Variants in CD84 observed in about 807,000 individuals in gnomAD.
CD84 encodes SLAM family member 5.
CD84 carries 22 observed loss-of-function variants against 33.8 expected under a neutral mutation model. The observed-to-expected ratio is 0.65, with a 90% confidence interval of 0.46 to 0.93. The LOEUF (loss-of-function observed/expected upper bound fraction) is 0.93. Among genes scored for constraint, CD84 ranks in the 40% least tolerant of loss-of-function variants. CD84 has a pLI of 0.00. For missense variants in CD84, 400 were observed against 397.6 expected (o/e 1.01, Z -0.05); for synonymous variants, 154 against 145.2 (o/e 1.06, Z -0.44).
At chr1:160,551,131 AG>A in intron 4 of CD84, 96 bp from the exon 5 acceptor site, 5 of 918,562 alleles carry the variant, frequency 5.4e-6, no homozygotes, top group Non-Finnish European at 8.9e-6. Flanking sequence ...GAAGAAAGGA[AG>A]CCCCCAGGGA....
In CD84 at chr1:160,553,896, T is replaced by C; in HGVS notation, c.639A>G (p.Ala213=). The change falls in exon 3 of 7, where the codon GCA becomes GCG. Residue 213 remains alanine (A), a splice_region_variant and synonymous_variant. Transcript: ENST00000368054. ...SDSISARQLC[A]DIAMGFRTHH... ...GGAGAGATGGGCAGAGCTGGTTACCTGCACAGAGCTGCCGGGCAGAGATGG... is the reference window on the plus strand; with the variant it reads ...GGAGAGATGGGCAGAGCTGGTTACCCGCACAGAGCTGCCGGGCAGAGATGG... 6.2e-7 allele frequency: 1 copy of C among 1,614,200 alleles called. No homozygotes were observed. Among genetic ancestry groups the C allele is most frequent in the Non-Finnish European group, 8.5e-7 (1 of 1,180,038 alleles).
chr1:160,554,410 C>G (rs918685058), intron 2 of CD84, among the ~76,000 whole-genome samples: 3 of 152,122 alleles, frequency 2.0e-5, no homozygotes, highest in African/African-American at 7.2e-5. Context: ...AACAGAGTAT[C>G]TGTCTTTCTA....
intron 3 of CD84, 151 bp downstream of exon 3, chr1:160,553,744 C>G: frequency 7.8e-7 from 1 of 1,284,540 alleles, no homozygotes; most frequent in Non-Finnish European, 1.1e-6. Context: ...GGCCTCTTTC[C>G]CAGTAGGCTT....
chr1:160,545,503 C>T lies in CD84; in HGVS notation c.*2753G>A, dbSNP rs1004184754. 5 of 152,226 alleles carry T rather than the reference C, an allele frequency of 3.3e-5. No homozygotes were observed. Among genetic ancestry groups the T allele is most frequent in the African/African-American group, 9.7e-5 (4 of 41,448 alleles). The allele number at this position is 152,226 out of a possible 1,614,324, so 9.4% of individuals were successfully genotyped here. A position where few individuals can be genotyped will look rare whatever the true frequency, so the allele number is the denominator to read the frequency against. On this transcript the variant is annotated 3_prime_UTR_variant, in exon 7 of 7. Coordinates refer to ENST00000368054, the MANE Select transcript of CD84 (RefSeq NM_003874.4). ...CTCTTCTTGGGGTGCTGTCTTTCAC[C>T]TCCTTACAACTGGTTAGGTGCTTCA...
intron 2 of CD84, among the ~76,000 whole-genome samples, chr1:160,561,707 G>A (rs182781465): frequency 4.5e-4 from 68 of 152,186 alleles, no homozygotes; most frequent in African/African-American, 1.6e-3. Context: ...CGAATAGGGA[G>A]AGAGGAAGTC....
chr1:160,553,795 G>T (rs767191831), intron 3 of CD84, 100 bp downstream of exon 3: 9 of 1,567,958 alleles, frequency 5.7e-6, no homozygotes, highest in Middle Eastern at 1.7e-4. Context: ...CAAAGATAAA[G>T]GAAGCACATC....
At chr1:160,575,522 CA>C (rs1249413514) in intron 1 of CD84, among the ~76,000 whole-genome samples, 1 of 151,754 alleles carries the variant, frequency 6.6e-6, no homozygotes, top group African/African-American at 2.4e-5. Context: ...CACACACACA[CA>C]CAAAATCTCA....
At position 160,549,066 on chromosome 1, in the gene CD84, A is replaced by G. The variant is rs570577340; in HGVS notation, c.922-745T>C. Among the ~76,000 whole-genome samples, 60 of 152,054 alleles carry G rather than the reference A, an allele frequency of 3.9e-4. 1 individual carries two copies. The highest frequency in any genetic ancestry group is 1.4e-3 in the African/African-American group (59 of 41,472). On this transcript the variant is annotated intron_variant, in intron 6 of 6. Coordinates refer to ENST00000368054, the MANE Select transcript of CD84 (RefSeq NM_003874.4). Reference sequence around the variant, plus strand: ...CCCTCCTTCCCTCTCCTGATCACTAAGAAAGTAAATGTCCCTCTATCTGGT... The same window carrying G: ...CCCTCCTTCCCTCTCCTGATCACTAGGAAAGTAAATGTCCCTCTATCTGGT...
chr1:160,570,738 T>C (rs553298210), intron 1 of CD84, among the ~76,000 whole-genome samples: 1 of 152,232 alleles, frequency 6.6e-6, no homozygotes, highest in South Asian at 2.1e-4. Flanking sequence ...GGTGCACACC[T>C]GTAGTCCCAG....
chr1:160,575,627 C>T (rs1347948542), intron 1 of CD84, among the ~76,000 whole-genome samples: 1 of 152,042 alleles, frequency 6.6e-6, no homozygotes, highest in Non-Finnish European at 1.5e-5. Flanking sequence ...AACAAGAGTA[C>T]CTAGTCAGTT....
At chr1:160,563,056 G>A (rs117890538) in intron 2 of CD84, among the ~76,000 whole-genome samples, 211 of 152,234 alleles carry the variant, frequency 1.4e-3, no homozygotes, top group East Asian at 2.9e-3. Flanking sequence ...TCTCCTGCCC[G>A]TCAGAATGGC....
chr1:160,573,493 T>C (rs976367473), intron 1 of CD84, among the ~76,000 whole-genome samples: 2 of 152,196 alleles, frequency 1.3e-5, no homozygotes. Flanking sequence ...GCTCCCTCTG[T>C]TCTGTAAACA....
intron 1 of CD84, among the ~76,000 whole-genome samples, chr1:160,570,717 C>G (rs1473278071): frequency 2.0e-5 from 3 of 152,000 alleles, no homozygotes; most frequent in Non-Finnish European, 4.4e-5. Context: ...CAAAATATAC[C>G]TGGGCATGAT....
At chr1:160,553,822 C>A in intron 3 of CD84, 73 bp downstream of exon 3, 2 of 1,606,496 alleles carry the variant, frequency 1.2e-6, no homozygotes, top group South Asian at 1.1e-5. Flanking sequence ...GAGAATGTGG[C>A]CCACGTTCAG....
At chr1:160,551,295 G>A (rs1656204924) in intron 4 of CD84, 2 of 418,560 alleles carry the variant, frequency 4.8e-6, no homozygotes, top group East Asian at 5.3e-5. Context: ...CCCTCCCTGT[G>A]TGGCCAGTCA....
intron 4 of CD84, chr1:160,552,655 C>A: frequency 2.3e-6 from 3 of 1,321,378 alleles, no homozygotes; most frequent in Non-Finnish European, 3.2e-6. Context: ...GTTGGGAACT[C>A]CCCATCCCTC....
At chr1:160,559,229 G>C (rs55796831) in intron 2 of CD84, among the ~76,000 whole-genome samples, 2,517 of 152,240 alleles carry the variant, frequency 0.017, 84 homozygotes, top group African/African-American at 0.057. Context: ...GGCAACCAGA[G>C]AGAAAGGCCA....
intron 1 of CD84, among the ~76,000 whole-genome samples, chr1:160,568,878 C>T (rs969060556): frequency 9.9e-5 from 15 of 152,186 alleles, no homozygotes; most frequent in African/African-American, 3.4e-4. Context: ...GCCTCAGCCT[C>T]CCAAAATGCT....
intron 1 of CD84, among the ~76,000 whole-genome samples, chr1:160,578,555 A>G (rs1658114054): frequency 6.6e-6 from 1 of 152,122 alleles, no homozygotes; most frequent in Non-Finnish European, 1.5e-5. Context: ...CTGCTAGTGC[A>G]TTTTCAGAAC....
Sources: gnomAD v4.1 joint callset for allele counts (sites outside exome capture counted in the v4.1 genomes callset) on GRCh38, gnomAD v4.1.1 for gene constraint, MANE v1.5 for transcripts, NCBI Gene and HGNC (gene_info 2026-07-23, HGNC 2026-07-21) for gene names.